The following ECHS1 variants were observed in gnomAD, a reference collection of about 807,000 sequenced individuals.
The protein encoded by ECHS1 is enoyl-CoA hydratase, mitochondrial.
Under a neutral mutation model 33.5 loss-of-function variants are expected in ECHS1, and 19 were observed. The ratio of observed to expected loss-of-function variants is 0.57; its 90% CI spans 0.40 to 0.83. The LOEUF (loss-of-function observed/expected upper bound fraction) is 0.83, where lower values mean the gene tolerates loss of function less well. ECHS1 is among the 40% of genes least tolerant of loss of function. The probability of loss-of-function intolerance (pLI) is 0.00; values close to 1 mark genes in which losing one functional copy is unlikely to be tolerated. For synonymous variants in ECHS1, 158 were observed against 146.6 expected (o/e 1.08, Z -0.56); for missense variants, 365 against 381.3 (o/e 0.96, Z 0.36).
At chr10:133,370,817 G>A in intron 1 of ECHS1, 60 bp from the exon 2 acceptor site, 5 of 1,541,560 alleles carry the variant, frequency 3.2e-6, no homozygotes, top group Non-Finnish European at 4.4e-6. Flanking sequence ...GGGGAGAGTG[G>A]GGGAAGGGAT....
At chr10:133,373,213 G>A (rs376728317) in intron 1 of ECHS1, 33 bp downstream of exon 1, 1,309 of 1,402,908 alleles carry the variant, frequency 9.3e-4, no homozygotes, top group Non-Finnish European at 1.2e-3. Context: ...GTCAGGAGGA[G>A]ATTCGGGCCG....
chr10:133,369,056 A>G, intron 3 of ECHS1, 34 bp from the exon 4 acceptor site: 2 of 1,593,306 alleles, frequency 1.3e-6, no homozygotes, highest in Non-Finnish European at 1.7e-6. Flanking sequence ...GAGTCTTACC[A>G]GGGGAACCCA....
chr10:133,372,422 T>A (rs1849121142), intron 1 of ECHS1, among the ~76,000 whole-genome samples: 2 of 152,134 alleles, frequency 1.3e-5, no homozygotes, highest in African/African-American at 4.8e-5. Context: ...GGTGTCAGCT[T>A]TTCCCTTAGG....
chr10:133,366,755 AGG>A (rs1589880941), intron 5 of ECHS1, 132 bp downstream of exon 5: 1 of 623,998 alleles, frequency 1.6e-6, no homozygotes, highest in East Asian at 2.9e-5. Context: ...GGCACCCATG[AGG>A]GGGACACCTG....
intron 1 of ECHS1, 23 bp from the exon 2 acceptor site, chr10:133,370,780 G>C: frequency 6.3e-7 from 1 of 1,598,888 alleles, no homozygotes; most frequent in Non-Finnish European, 8.5e-7. Context: ...GGCAAAAAGG[G>C]GTATCTATTC....
chr10:133,367,722 T>C (rs1215227442), intron 4 of ECHS1, among the ~76,000 whole-genome samples: 1 of 151,764 alleles, frequency 6.6e-6, no homozygotes, highest in Non-Finnish European at 1.5e-5. Context: ...TCCACTTTCA[T>C]GCTCCTCCCG....
At position 133,362,814 on chromosome 10, in the gene ECHS1, A is replaced by G. The variant is rs376401874; in HGVS notation, c.*54T>C. On this transcript the variant is annotated 3_prime_UTR_variant, in exon 8 of 8. Coordinates refer to ENST00000368547, the MANE Select transcript of ECHS1 (RefSeq NM_004092.4). ...GATGATTTACTTGCTTCTAAAACTG[A>G]CAGGCTGCACTTGTCCTCTCCAAGC... 355 of 1,571,700 alleles carry G rather than the reference A, an allele frequency of 2.3e-4. 1 individual carries two copies. The highest frequency in any genetic ancestry group is 3.0e-4 in the Non-Finnish European group (341 of 1,141,530).
chr10:133,371,420 G>T, intron 1 of ECHS1: 1 of 153,338 alleles, frequency 6.5e-6, no homozygotes, highest in South Asian at 2.1e-4. Context: ...CAAGGCACCA[G>T]GAAACACCTT....
At chr10:133,366,190 C>G in intron 5 of ECHS1, 95 bp from the exon 6 acceptor site, 3 of 1,454,312 alleles carry the variant, frequency 2.1e-6, no homozygotes, top group Non-Finnish European at 2.8e-6. Context: ...GTGGCTGGAG[C>G]ACCCCAGCCT....
intron 6 of ECHS1, among the ~76,000 whole-genome samples, chr10:133,365,463 T>C (rs1849015836): frequency 6.6e-6 from 1 of 152,168 alleles, no homozygotes. Flanking sequence ...GAGAATAAAT[T>C]GTGACATTAA....
At chr10:133,372,859 G>A (rs1278357490) in intron 1 of ECHS1, among the ~76,000 whole-genome samples, 1 of 137,390 alleles carries the variant, frequency 7.3e-6, no homozygotes, top group East Asian at 2.2e-4. Context: ...TCAGGTGGTA[G>A]GTGCGGGGTC....
At chr10:133,365,642 C>T (rs1296083353) in intron 6 of ECHS1, among the ~76,000 whole-genome samples, 2 of 152,360 alleles carry the variant, frequency 1.3e-5, no homozygotes, top group Admixed American at 6.5e-5. Flanking sequence ...GGAGGTGAAC[C>T]GAGCCTCCCC....
At position 133,370,837 on chromosome 10, in the gene ECHS1, T is replaced by A; in HGVS notation, c.89-80A>T. 2.1e-6 allele frequency: 3 copies of A among 1,443,542 alleles called. No homozygotes were observed. In the East Asian group the frequency reaches 7.0e-5, roughly 34 times the overall value. 89.4% of individuals were successfully genotyped at this position (1,443,542 alleles called of 1,614,324 possible). On this transcript the variant is annotated intron_variant, in intron 1 of 7. Transcript: ENST00000368547. Reference sequence around the variant, plus strand: ...GAGTGGGGGAAGGGATGTGGCCCCATCGGTGGATACAGTGTGACCCCAAGA... The same window carrying A: ...GAGTGGGGGAAGGGATGTGGCCCCAACGGTGGATACAGTGTGACCCCAAGA...
chr10:133,371,313 A>G (rs1235094457), intron 1 of ECHS1, among the ~76,000 whole-genome samples: 3 of 152,030 alleles, frequency 2.0e-5, no homozygotes, highest in Non-Finnish European at 2.9e-5. Context: ...AATCCCCAGC[A>G]CAGAACACAG....
At chr10:133,369,071 G>C (rs374537701) in intron 3 of ECHS1, 49 bp from the exon 4 acceptor site, 16 of 1,554,874 alleles carry the variant, frequency 1.0e-5, no homozygotes, top group Non-Finnish European at 1.4e-5. Flanking sequence ...AACCCAGTCA[G>C]AAATCACTCT....
rs1245905589 is a variant in ECHS1, at chr10:133,371,291, G to GA, written c.89-535dup. The stretch of plus-strand genomic sequence containing the variant: ...GACTCCGTCTCAAAAAAAAAGAAAA[G>GA]AAAAAAAGAAAAATCCCCAGCACAG... On this transcript the variant is annotated intron_variant, in intron 1 of 7. Coordinates refer to ENST00000368547, the MANE Select transcript of ECHS1 (RefSeq NM_004092.4). Among the ~76,000 whole-genome samples the GA allele has an allele frequency of 1.6e-4, 24 of 151,720 alleles. No homozygotes were observed. The East Asian group carries it at 4.7e-3, about 30-fold the overall frequency.
At position 133,371,051 on chromosome 10, in the gene ECHS1, T is replaced by G. The variant is rs7904198; in HGVS notation, c.89-294A>C. 0.98 allele frequency among the ~76,000 whole-genome samples: 149,655 copies of G among 152,346 alleles called. 73,552 individuals carry two copies. Among genetic ancestry groups the G allele is most frequent in the Middle Eastern group, 1 (294 of 294 alleles). On this transcript the variant is annotated intron_variant, in intron 1 of 7. Coordinates refer to ENST00000368547, the MANE Select transcript of ECHS1 (RefSeq NM_004092.4). ...CCAGCAATTTGGGAGGCCGAAGCGG[T>G]CGAATCACAAGGTCAGGAGATCGAG...
chr10:133,369,994 G>A lies in ECHS1; in HGVS notation c.324C>T (p.Phe108=). ...ADIKEMQNLS[F]QDCYSSKFLK... is the part of the protein sequence containing the mutation. Reference sequence around the variant, plus strand: ...AGAACTTGCTGGAGTAACAGTCCTGGAAACTCAGGTTCTGCATTTCCTTGA... The same window carrying A: ...AGAACTTGCTGGAGTAACAGTCCTGAAAACTCAGGTTCTGCATTTCCTTGA... Residue 108 remains phenylalanine, a synonymous_variant, in exon 3 of 8, where the codon TTC becomes TTT. Coordinates refer to ENST00000368547, the MANE Select transcript of ECHS1 (RefSeq NM_004092.4). 1 of 1,613,886 alleles carries A rather than the reference G, an allele frequency of 6.2e-7. No homozygotes were observed.
intron 4 of ECHS1, 23 bp downstream of exon 4, chr10:133,368,900 C>A: frequency 6.2e-7 from 1 of 1,606,320 alleles, no homozygotes; most frequent in African/African-American, 1.3e-5. Flanking sequence ...GGCATCTATG[C>A]CAGAGACAGT....
Sources: allele counts gnomAD v4.1 joint callset (sites outside exome capture counted in the v4.1 genomes callset), GRCh38; gene constraint gnomAD v4.1.1; transcripts MANE v1.5; gene names NCBI Gene and HGNC (gene_info 2026-07-23, HGNC 2026-07-21).